PKHD1: variants seen among roughly 807,000 people sequenced by gnomAD.
PKHD1 encodes the protein fibrocystin.
PKHD1 carries 291 observed loss-of-function variants against 412.0 expected under a neutral mutation model. That is an observed-to-expected ratio of 0.71 (90% CI 0.64 to 0.78). PKHD1 has a LOEUF of 0.78. Ranked by LOEUF, PKHD1 falls within the 30% of genes least tolerant of loss-of-function variation. The pLI, the probability that PKHD1 is intolerant of heterozygous loss-of-function variation, is 0.00. For synonymous variants in PKHD1, 1,777 were observed against 1,821.5 expected, an observed-to-expected ratio of 0.98 and a Z score of 0.62; for missense variants, 4,825 against 4,950.7, an observed-to-expected ratio of 0.97 and a Z score of 0.76.
intron 60 of PKHD1, among the ~76,000 whole-genome samples, chr6:51,671,356 C>T (rs888584747): frequency 5.3e-4 from 81 of 152,292 alleles, no homozygotes; most frequent in African/African-American, 1.9e-3. Context: ...CTGAGGGTTC[C>T]GCATTCTTCA....
At chr6:51,941,325 G>A (rs1418644743) in intron 36 of PKHD1, among the ~76,000 whole-genome samples, 5 of 124,660 alleles carry the variant, frequency 4.0e-5, no homozygotes, top group Admixed American at 1.1e-4. Flanking sequence ...GCGCAATCTC[G>A]GCTCACTGCA....
chr6:51,823,070 A>G (rs74595572), intron 52 of PKHD1, among the ~76,000 whole-genome samples: 1 of 150,866 alleles, frequency 6.6e-6, no homozygotes, highest in African/African-American at 2.5e-5. Context: ...AGGTTAAGTA[A>G]GAGAAAGAAG....
Position 51,619,528 on chromosome 6 carries a change from GA to G in PKHD1, c.11786-9del. 2 of 1,610,142 alleles carry G rather than the reference GA, an allele frequency of 1.2e-6. No homozygotes were observed. The highest frequency in any genetic ancestry group is 1.1e-5 in the South Asian group (1 of 90,988). ...TGACCTTCATTCTCATATCTGGGGG[GA>G]AAAGAAATAGGGGAAGAAATGGATT... On this transcript the variant is annotated splice_polypyrimidine_tract_variant and intron_variant, in intron 66 of 66. Transcript: ENST00000371117.
intron 36 of PKHD1, among the ~76,000 whole-genome samples, chr6:51,936,203 T>C (rs1186508483): frequency 6.6e-6 from 1 of 152,210 alleles, no homozygotes. Flanking sequence ...TTTTGGAGAT[T>C]CTGATTTAAG....
intron 60 of PKHD1, among the ~76,000 whole-genome samples, chr6:51,726,968 G>A (rs1005593068): frequency 3.9e-5 from 6 of 152,122 alleles, no homozygotes; most frequent in Admixed American, 2.0e-4. Flanking sequence ...ACTTTCTCTG[G>A]CTAGAATTAG....
In PKHD1 at chr6:52,054,098, A is replaced by G; in HGVS notation, c.1904T>C (p.Phe635Ser). The G allele has an allele frequency of 6.2e-7, 1 of 1,613,984 alleles. No individual in the cohort carries two copies. The highest frequency in any genetic ancestry group is 1.1e-5 in the South Asian group (1 of 91,078). ...LKMIVSFTIG[F>S]QNMVKNTTCD... is the part of the protein sequence containing the mutation. ...GGTGGTATTCTTTACCATGTTTTGA[A>G]AGCCGATTGTGAAGGACACAATCAT... is the stretch of plus-strand genomic sequence containing the variant. The change falls in exon 20 of 67, where the codon TTT (phenylalanine) becomes TCT (serine). Residue 635 changes from phenylalanine (F) to serine (S), a missense_variant. Coordinates refer to ENST00000371117, the MANE Select transcript of PKHD1 (RefSeq NM_138694.4).
chr6:51,762,705 C>G lies in PKHD1; in HGVS notation c.8643-7767G>C, dbSNP rs1253576511. ...ATTCTTTTGGTGAAAATTCATGAAA[C>G]AGTTCATCTGAAATATGCTTATATC... On this transcript the variant is annotated intron_variant, in intron 55 of 66. Coordinates refer to ENST00000371117, the MANE Select transcript of PKHD1 (RefSeq NM_138694.4). Among the ~76,000 whole-genome samples, 3 of 151,070 alleles carry G rather than the reference C, an allele frequency of 2.0e-5. No individual in the cohort carries two copies. The East Asian group carries it at 5.9e-4, about 30-fold the overall frequency.
At chr6:51,794,512 T>C (rs899225512) in intron 52 of PKHD1, among the ~76,000 whole-genome samples, 1 of 152,224 alleles carries the variant, frequency 6.6e-6, no homozygotes, top group African/African-American at 2.4e-5. Context: ...GTGCAGAAGC[T>C]CTTTAGTTTA....
intron 60 of PKHD1, chr6:51,739,864 A>T: frequency 3.0e-6 from 1 of 334,212 alleles, no homozygotes; most frequent in South Asian, 2.5e-5. Flanking sequence ...GCCTCCTGAC[A>T]CTGCTGGTGC....
chr6:51,912,430 T>C lies in PKHD1; in HGVS notation c.6268A>G (p.Met2090Val). Reference sequence around the variant, plus strand: ...GTTTCCACAGTGACAATCTCTTCCATCGGTTTGGCACCTTTAACACCTGTT... The same window carrying C: ...GTTTCCACAGTGACAATCTCTTCCACCGGTTTGGCACCTTTAACACCTGTT... ...SGTGVKGAKP[M>V]EEIVTVETVQ... is the part of the protein sequence containing the mutation. The change falls in exon 38 of 67, where the codon ATG becomes GTG. Residue 2090 changes from methionine to valine, a missense_variant. Physicochemically the swap from Met to Val is conservative, Grantham distance 21. Transcript: ENST00000371117. 5.0e-6 allele frequency: 8 copies of C among 1,613,216 alleles called. No individual in the cohort carries two copies. Among genetic ancestry groups the C allele is most frequent in the Non-Finnish European group, 6.8e-6 (8 of 1,179,348 alleles).
At chr6:51,742,981 T>G (rs535481436) in intron 60 of PKHD1, among the ~76,000 whole-genome samples, 1 of 152,248 alleles carries the variant, frequency 6.6e-6, no homozygotes, top group African/African-American at 2.4e-5. Flanking sequence ...AACGCCCTGA[T>G]GTAGTGATAC....
intron 21 of PKHD1, 32 bp from the exon 22 acceptor site, chr6:52,050,327 G>A (rs1487045071): frequency 1.2e-6 from 2 of 1,611,940 alleles, no homozygotes; most frequent in Non-Finnish European, 1.7e-6. Flanking sequence ...ACTATCAAGT[G>A]ACTTAAGATG....
chr6:52,086,103 CAAA>C (rs1562313477), intron 1 of PKHD1, among the ~76,000 whole-genome samples: 47 of 142,786 alleles, frequency 3.3e-4, no homozygotes, highest in South Asian at 6.6e-4. Flanking sequence ...TACACACACA[CAAA>C]GTGTGTGTGT....
chr6:51,670,873 G>GC (rs1391105441), intron 60 of PKHD1, among the ~76,000 whole-genome samples: 26 of 151,530 alleles, frequency 1.7e-4, no homozygotes, highest in Admixed American at 1.7e-3. Flanking sequence ...TTGAATATTG[G>GC]CCCCCACTCT....
chr6:51,983,550 C>T (rs1321931527), intron 35 of PKHD1, among the ~76,000 whole-genome samples: 1 of 152,088 alleles, frequency 6.6e-6, no homozygotes, highest in Non-Finnish European at 1.5e-5. Context: ...GATAAAAGGA[C>T]AAAGCAAATT....
chr6:51,882,222 A>G (rs1777481421), intron 46 of PKHD1, among the ~76,000 whole-genome samples: 1 of 152,190 alleles, frequency 6.6e-6, no homozygotes, highest in Non-Finnish European at 1.5e-5. Flanking sequence ...GAAAGGAAGA[A>G]TCATCTCTCA....
intron 60 of PKHD1, chr6:51,721,813 T>C: frequency 6.7e-7 from 1 of 1,493,266 alleles, no homozygotes; most frequent in Non-Finnish European, 8.9e-7. Flanking sequence ...ATCCTCTCCA[T>C]TCTGGCTGCC....
At chr6:51,757,180 T>C (rs939015173) in intron 55 of PKHD1, among the ~76,000 whole-genome samples, 1 of 152,142 alleles carries the variant, frequency 6.6e-6, no homozygotes, top group Non-Finnish European at 1.5e-5. Context: ...GACAATCTTT[T>C]TATTATTATT....
chr6:52,086,388 G>A (rs1812802892), intron 1 of PKHD1, among the ~76,000 whole-genome samples: 1 of 151,956 alleles, frequency 6.6e-6, no homozygotes, highest in Non-Finnish European at 1.5e-5. Flanking sequence ...TGGGATTACA[G>A]GCATGAACCA....
Sources: allele counts gnomAD v4.1 joint callset (sites outside exome capture counted in the v4.1 genomes callset), GRCh38; gene constraint gnomAD v4.1.1; transcripts MANE v1.5; gene names NCBI Gene and HGNC (gene_info 2026-07-23, HGNC 2026-07-21).